KLHL1: variants seen among roughly 807,000 people sequenced by gnomAD.
KLHL1 encodes kelch-like protein 1.
In KLHL1, 47 loss-of-function variants were observed where a neutral mutation model predicts 77.7. The observed-to-expected ratio is 0.60, with a 90% CI of 0.48 to 0.77. The LOEUF (loss-of-function observed/expected upper bound fraction) is 0.77, where lower values mean the gene tolerates loss of function less well. KLHL1 is among the 30% of genes least tolerant of loss of function. The probability of loss-of-function intolerance (pLI) is 0.00; values close to 1 mark genes in which losing one functional copy is unlikely to be tolerated. For missense variants in KLHL1, 925 were observed against 910.8 expected (o/e 1.02, Z -0.20); for synonymous variants, 360 against 325.2 (o/e 1.11, Z -1.15).
At chr13:69,962,577 A>G (rs1884098415) in intron 2 of KLHL1, among the ~76,000 whole-genome samples, 1 of 152,066 alleles carries the variant, frequency 6.6e-6, no homozygotes, top group South Asian at 2.1e-4. Flanking sequence ...ATATACTTGG[A>G]ATATAAGCTT....
At chr13:70,103,682 T>G (rs1887978466) in intron 1 of KLHL1, among the ~76,000 whole-genome samples, 1 of 152,088 alleles carries the variant, frequency 6.6e-6, no homozygotes, top group Non-Finnish European at 1.5e-5. Flanking sequence ...ATAGTGAAAT[T>G]GAGGGGAAAG....
intron 6 of KLHL1, among the ~76,000 whole-genome samples, chr13:69,826,611 T>A (rs544378728): frequency 1.3e-5 from 2 of 152,070 alleles, no homozygotes; most frequent in South Asian, 2.1e-4. Flanking sequence ...ATGCTGAGAG[T>A]AGATTTTAGC....
intron 1 of KLHL1, among the ~76,000 whole-genome samples, chr13:69,984,068 G>A (rs1341321700): frequency 6.6e-6 from 1 of 152,032 alleles, no homozygotes; most frequent in African/African-American, 2.4e-5. Context: ...GTAAACATAG[G>A]GAAAATGGTT....
At chr13:69,904,972 AAACT>A (rs766010227) in intron 4 of KLHL1, among the ~76,000 whole-genome samples, 18 of 152,252 alleles carry the variant, frequency 1.2e-4, no homozygotes, top group Non-Finnish European at 2.2e-4. Context: ...AAAATCTGCA[AAACT>A]AACTATATCA....
chr13:70,084,272 T>G (rs1550546), intron 1 of KLHL1, among the ~76,000 whole-genome samples: 1 of 151,842 alleles, frequency 6.6e-6, no homozygotes, highest in African/African-American at 2.4e-5. Context: ...TAGTATATAC[T>G]AAGTACTTTA....
chr13:69,910,670 TA>T (rs932935877), intron 4 of KLHL1, among the ~76,000 whole-genome samples: 1 of 152,016 alleles, frequency 6.6e-6, no homozygotes, highest in African/African-American at 2.4e-5. Flanking sequence ...AAAATTCATA[TA>T]AAACACTCAA....
In KLHL1 at chr13:70,107,781, G is replaced by C. The variant is rs1219118018; in HGVS notation, c.-82C>G. The stretch of plus-strand genomic sequence containing the variant: ...AGGTGGGGGAGGACAGCGGGGCCCG[G>C]GGGCGGAGGAAGAGGCGGGATGCGC... On this transcript the variant is annotated 5_prime_UTR_variant, in exon 1 of 11. Transcript: ENST00000377844. The C allele has an allele frequency of 1.3e-5, 15 of 1,118,474 alleles. No individual in the cohort carries two copies. Among genetic ancestry groups the C allele is most frequent in the Non-Finnish European group, 1.7e-5 (14 of 810,308 alleles). The allele number at this position is 1,118,474 out of a possible 1,614,324, so 69.3% of individuals were successfully genotyped here. A position where few individuals can be genotyped will look rare whatever the true frequency, so the allele number is the denominator to read the frequency against.
At chr13:70,057,532 T>A (rs1322049037) in intron 1 of KLHL1, among the ~76,000 whole-genome samples, 2 of 142,410 alleles carry the variant, frequency 1.4e-5, no homozygotes, top group African/African-American at 5.2e-5. Flanking sequence ...ATCCCAGCAC[T>A]TTGGGAGGCC....
chr13:69,750,148 A>G (rs1874409389), intron 7 of KLHL1, among the ~76,000 whole-genome samples: 1 of 151,652 alleles, frequency 6.6e-6, no homozygotes, highest in African/African-American at 2.4e-5. Flanking sequence ...TATTAGTCAC[A>G]AAATATATCT....
At chr13:70,063,040 G>A (rs958633439) in intron 1 of KLHL1, among the ~76,000 whole-genome samples, 3 of 151,918 alleles carry the variant, frequency 2.0e-5, no homozygotes, top group Non-Finnish European at 4.4e-5. Context: ...GAAATACCTA[G>A]GACGGTTAAA....
rs1336615450 is a variant in KLHL1, at chr13:69,800,119, C to T, written c.1415-3157G>A. 3.9e-5 allele frequency among the ~76,000 whole-genome samples: 6 copies of T among 152,170 alleles called. No individual in the cohort carries two copies. The East Asian group carries it at 1.2e-3, about 29-fold the overall frequency. On this transcript the variant is annotated intron_variant, in intron 6 of 10. Transcript: ENST00000377844. ...AAGTTGGGGACTGCTATTCTAGAGG[C>T]CACCACATTCCTTGTTACTCCATCT...
In KLHL1 at chr13:70,070,203, T is replaced by A. The variant is rs139600154; in HGVS notation, c.497+37000A>T. On this transcript the variant is annotated intron_variant, in intron 1 of 10. Coordinates refer to ENST00000377844, the MANE Select transcript of KLHL1 (RefSeq NM_020866.3). Reference sequence around the variant, plus strand: ...TAATTATAGTAATAATTATTGCGAATTTTCTAAAGTTAATGGCAGACACCA... The same window carrying A: ...TAATTATAGTAATAATTATTGCGAAATTTCTAAAGTTAATGGCAGACACCA... 2.8e-3 allele frequency among the ~76,000 whole-genome samples: 416 copies of A among 150,718 alleles called. 12 individuals are homozygous for A. Among genetic ancestry groups the A allele is most frequent in the African/African-American group, 9.5e-3 (391 of 41,080 alleles).
rs1170017262 is a variant in KLHL1, at chr13:69,854,131, C to T, written c.1228-14969G>A. Among the ~76,000 whole-genome samples, 4 of 152,116 alleles carry T rather than the reference C, an allele frequency of 2.6e-5. 1 individual carries two copies. In the East Asian group the frequency reaches 7.8e-4, roughly 30 times the overall value. ...CTAACTTGTAATGCTATTAATTTAT[C>T]AGGCAGTCTTAGTCCATTGTGTTGC... On this transcript the variant is annotated intron_variant, in intron 5 of 10. Coordinates refer to ENST00000377844, the MANE Select transcript of KLHL1 (RefSeq NM_020866.3).
intron 2 of KLHL1, among the ~76,000 whole-genome samples, chr13:69,965,262 A>G (rs1427537337): frequency 6.6e-6 from 1 of 152,196 alleles, no homozygotes; most frequent in Non-Finnish European, 1.5e-5. Context: ...TTCCAACAGC[A>G]TGGGCTCACT....
intron 6 of KLHL1, among the ~76,000 whole-genome samples, chr13:69,824,991 T>C (rs184076063): frequency 1.3e-5 from 2 of 152,000 alleles, no homozygotes; most frequent in Admixed American, 6.5e-5. Flanking sequence ...TGTTTTCAAT[T>C]TTGAAATGCA....
In KLHL1 at chr13:70,107,788, A is replaced by C; in HGVS notation, c.-89T>G. On this transcript the variant is annotated 5_prime_UTR_variant, in exon 1 of 11. Coordinates refer to ENST00000377844, the MANE Select transcript of KLHL1 (RefSeq NM_020866.3). ...GGAGGACAGCGGGGCCCGGGGGCGGAGGAAGAGGCGGGATGCGCCCTCTGC... is the reference window on the plus strand; with the variant it reads ...GGAGGACAGCGGGGCCCGGGGGCGGCGGAAGAGGCGGGATGCGCCCTCTGC... 2 of 1,035,788 alleles carry C rather than the reference A, an allele frequency of 1.9e-6. No individual in the cohort carries two copies. The highest frequency in any genetic ancestry group is 2.7e-6 in the Non-Finnish European group (2 of 735,940). The allele number at this position is 1,035,788 out of a possible 1,614,324, so 64.2% of individuals were successfully genotyped here. A position where few individuals can be genotyped will look rare whatever the true frequency, so the allele number is the denominator to read the frequency against.
chr13:69,772,372 TG>T (rs1875614603), intron 7 of KLHL1, among the ~76,000 whole-genome samples: 2 of 151,622 alleles, frequency 1.3e-5, no homozygotes, highest in Admixed American at 1.3e-4. Flanking sequence ...TTCTCATTTT[TG>T]TTGGGGAAAA....
intron 1 of KLHL1, among the ~76,000 whole-genome samples, chr13:70,056,718 T>C (rs1376293025): frequency 6.6e-6 from 1 of 152,100 alleles, no homozygotes; most frequent in East Asian, 1.9e-4. Flanking sequence ...TGCTCCTGAA[T>C]GACCAATGGG....
intron 1 of KLHL1, among the ~76,000 whole-genome samples, chr13:70,021,417 G>A (rs533073756): frequency 7.2e-5 from 11 of 152,116 alleles, no homozygotes; most frequent in African/African-American, 2.6e-4. Context: ...ACATACTGAA[G>A]GGCATTTTCA....
Sources: allele counts gnomAD v4.1 joint callset (sites outside exome capture counted in the v4.1 genomes callset), GRCh38; gene constraint gnomAD v4.1.1; transcripts MANE v1.5; gene names NCBI Gene and HGNC (gene_info 2026-07-23, HGNC 2026-07-21).